Variants in SCFD2 observed in about 807,000 individuals in gnomAD.
SCFD2 encodes the protein sec1 family domain containing 2.
Under a neutral mutation model 58.9 loss-of-function variants are expected in SCFD2, and 54 were observed. That is an observed-to-expected ratio of 0.92 (90% CI 0.74 to 1.15). The LOEUF (loss-of-function observed/expected upper bound fraction) is 1.15. Among genes scored for constraint, SCFD2 ranks in the 50% most tolerant of loss-of-function variants. SCFD2 has a pLI of 0.00. For missense variants in SCFD2, 805 were observed against 836.6 expected (o/e 0.96, Z 0.47); for synonymous variants, 321 against 335.9 (o/e 0.96, Z 0.49).
chr4:52,905,253 T>C (rs141849242), intron 7 of SCFD2, among the ~76,000 whole-genome samples: 5 of 152,378 alleles, frequency 3.3e-5, no homozygotes, highest in African/African-American at 1.2e-4. Context: ...TTACAGTCAG[T>C]GTCTCAAAGC....
At chr4:53,114,560 T>C (rs7674948) in intron 5 of SCFD2, among the ~76,000 whole-genome samples, 1,823 of 152,230 alleles carry the variant, frequency 0.012, 43 homozygotes, top group African/African-American at 0.042. Context: ...TCAGAACCTC[T>C]TGGAGTCCAG....
chr4:53,184,933 T>C (rs1727695978), intron 4 of SCFD2, among the ~76,000 whole-genome samples: 1 of 152,108 alleles, frequency 6.6e-6, no homozygotes, highest in Non-Finnish European at 1.5e-5. Flanking sequence ...TTTGTTGTGA[T>C]GAATTTGATG....
At chr4:53,299,995 T>C (rs1455481001) in intron 3 of SCFD2, among the ~76,000 whole-genome samples, 1 of 152,048 alleles carries the variant, frequency 6.6e-6, no homozygotes, top group Non-Finnish European at 1.5e-5. Context: ...TGCAAAAACA[T>C]GCAAAATTGT....
chr4:52,917,670 G>A lies in SCFD2; in HGVS notation c.1707+3055C>T, dbSNP rs1036596576. On this transcript the variant is annotated intron_variant, in intron 6 of 8. Transcript: ENST00000401642. ...TCCAGGCTGTGAAAAGGTCCTGGCT[G>A]CCCTGGAGGGCCAGGCCTGTGGTAA... 2.0e-5 allele frequency among the ~76,000 whole-genome samples: 3 copies of A among 152,198 alleles called. No homozygotes were observed. The South Asian group carries it at 6.2e-4, about 31-fold the overall frequency.
chr4:53,029,890 A>G (rs999563481), intron 5 of SCFD2, among the ~76,000 whole-genome samples: 9 of 152,348 alleles, frequency 5.9e-5, no homozygotes, highest in African/African-American at 2.2e-4. Flanking sequence ...AAATCATACA[A>G]GAGACTCCTT....
chr4:52,963,430 C>A (rs888656868), intron 5 of SCFD2, among the ~76,000 whole-genome samples: 1 of 152,210 alleles, frequency 6.6e-6, no homozygotes, highest in Non-Finnish European at 1.5e-5. Context: ...GGACTGTCTT[C>A]TCTTTCCCAT....
intron 2 of SCFD2, among the ~76,000 whole-genome samples, chr4:53,340,020 C>G (rs924369727): frequency 1.3e-5 from 2 of 152,186 alleles, no homozygotes; most frequent in African/African-American, 4.8e-5. Flanking sequence ...CAGCTCCAGT[C>G]TACAGTTCCC....
At chr4:53,333,584 T>C (rs1178089605) in intron 2 of SCFD2, among the ~76,000 whole-genome samples, 3 of 151,456 alleles carry the variant, frequency 2.0e-5, no homozygotes, top group African/African-American at 7.3e-5. Context: ...CCTTATACCT[T>C]ATACAAAAAT....
At chr4:53,045,054 C>A (rs1378259106) in intron 5 of SCFD2, among the ~76,000 whole-genome samples, 1 of 152,066 alleles carries the variant, frequency 6.6e-6, no homozygotes, top group Non-Finnish European at 1.5e-5. Context: ...CATCTGCATT[C>A]AATGGACAAT....
chr4:53,152,059 T>C (rs534991558), intron 4 of SCFD2, among the ~76,000 whole-genome samples: 7 of 152,292 alleles, frequency 4.6e-5, no homozygotes, highest in African/African-American at 1.7e-4. Flanking sequence ...AGGCCCCACC[T>C]CCAACACTGG....
At chr4:53,345,455 T>G (rs1379838371) in intron 2 of SCFD2, among the ~76,000 whole-genome samples, 2 of 152,130 alleles carry the variant, frequency 1.3e-5, no homozygotes, top group Non-Finnish European at 2.9e-5. Flanking sequence ...CAATAGCTGC[T>G]GGAGAGGATG....
intron 5 of SCFD2, among the ~76,000 whole-genome samples, chr4:53,102,130 T>C (rs1014473368): frequency 6.6e-6 from 1 of 152,198 alleles, no homozygotes; most frequent in Non-Finnish European, 1.5e-5. Flanking sequence ...TATTCTAGTA[T>C]ATGATACAGG....
intron 5 of SCFD2, among the ~76,000 whole-genome samples, chr4:53,067,713 T>C (rs1384266778): frequency 6.6e-6 from 1 of 152,110 alleles, no homozygotes; most frequent in African/African-American, 2.4e-5. Context: ...TGAGACCTCC[T>C]CAGCCATGCT....
intron 5 of SCFD2, among the ~76,000 whole-genome samples, chr4:52,982,883 G>GCCATAAGTAGTCAAAATAATAAT (rs1313496818): frequency 2.0e-5 from 3 of 152,110 alleles, no homozygotes; most frequent in Non-Finnish European, 2.9e-5. Context: ...AGATGTACAT[G>GCCATAAGTAGTCAAAATAATAAT]CCATAAGTAG....
chr4:53,345,108 T>A (rs770303962), intron 2 of SCFD2, among the ~76,000 whole-genome samples: 2 of 152,144 alleles, frequency 1.3e-5, no homozygotes, highest in Non-Finnish European at 2.9e-5. Flanking sequence ...TGGAATCTAC[T>A]TAAACTAAAG....
intron 4 of SCFD2, among the ~76,000 whole-genome samples, chr4:53,227,120 C>T (rs1729242009): frequency 6.6e-6 from 1 of 152,130 alleles, no homozygotes; most frequent in African/African-American, 2.4e-5. Flanking sequence ...TAAGCGTCTC[C>T]TCTGGCCTCT....
intron 4 of SCFD2, among the ~76,000 whole-genome samples, chr4:53,221,258 TC>T (rs1729040214): frequency 6.6e-6 from 1 of 152,256 alleles, no homozygotes; most frequent in East Asian, 1.9e-4. Flanking sequence ...TTACAGAATC[TC>T]CTCAAATAAA....
chr4:53,297,290 T>C (rs1247087344), intron 3 of SCFD2, among the ~76,000 whole-genome samples: 2 of 152,188 alleles, frequency 1.3e-5, no homozygotes, highest in Non-Finnish European at 2.9e-5. Flanking sequence ...TTTGTAGGTC[T>C]CTAAGAACTT....
intron 2 of SCFD2, among the ~76,000 whole-genome samples, chr4:53,348,372 C>G: frequency 6.6e-6 from 1 of 152,296 alleles, no homozygotes; most frequent in Middle Eastern, 3.4e-3. Context: ...TATCCTTACT[C>G]TCATTTCATT....
Sources: allele counts gnomAD v4.1 joint callset (sites outside exome capture counted in the v4.1 genomes callset), GRCh38; gene constraint gnomAD v4.1.1; transcripts MANE v1.5; gene names NCBI Gene and HGNC (gene_info 2026-07-23, HGNC 2026-07-21).